Variants in POTEE observed in about 807,000 individuals in gnomAD.
The protein encoded by POTEE is ANKRD26-like family C member 1A.
POTEE carries 21 observed loss-of-function variants against 74.2 expected under a neutral mutation model. The observed-to-expected ratio is 0.28, with a 90% CI of 0.20 to 0.41. POTEE has a LOEUF of 0.41. Ranked by LOEUF, POTEE falls within the 10% of genes least tolerant of loss-of-function variation. The pLI is 1.00. For synonymous variants in POTEE, 211 were observed against 432.8 expected (o/e 0.49, Z 6.36); for missense variants, 525 against 1,158.6 (o/e 0.45, Z 7.94).
chr2:131,220,636 G>T (rs1253330671), intron 4 of POTEE, among the ~76,000 whole-genome samples: 1 of 152,052 alleles, frequency 6.6e-6, no homozygotes, highest in Non-Finnish European at 1.5e-5. Context: ...AGTTAGAAGA[G>T]GAATGAAATA....
chr2:131,234,186 G>A (rs1701054985), intron 9 of POTEE, among the ~76,000 whole-genome samples: 1 of 151,754 alleles, frequency 6.6e-6, no homozygotes, highest in South Asian at 2.1e-4. Context: ...GAATATCGGA[G>A]TTGTTCCTTT....
chr2:131,218,550 G>A lies in POTEE; in HGVS notation c.148G>A (p.Asp50Asn), dbSNP rs1290703777. Residue 50 changes from aspartate (D) to asparagine (N), a missense_variant, in exon 4 of 18, where the codon GAC (aspartate) becomes AAC (asparagine). Transcript: ENST00000683005. ...CAACGTGGGCACTTCTGGAGACCACGACGACTCTGCTATGAAGACACTCAG... is the reference window on the plus strand; with the variant it reads ...CAACGTGGGCACTTCTGGAGACCACAACGACTCTGCTATGAAGACACTCAG... ...KSNVGTSGDHDDSAMKTLRSK... is the reference protein window; with the variant it reads ...KSNVGTSGDHNDSAMKTLRSK... 5 of 1,612,488 alleles carry A rather than the reference G, an allele frequency of 3.1e-6. No homozygotes were observed. The South Asian group carries it at 4.4e-5, about 14-fold the overall frequency.
intron 6 of POTEE, among the ~76,000 whole-genome samples, chr2:131,225,967 G>C (rs539802757): frequency 1.3e-5 from 2 of 152,268 alleles, no homozygotes; most frequent in South Asian, 4.1e-4. Flanking sequence ...GCTGTGAGTA[G>C]TCTTTCAATA....
intron 8 of POTEE, among the ~76,000 whole-genome samples, chr2:131,230,239 G>A (rs1357515699): frequency 1.3e-5 from 2 of 152,042 alleles, no homozygotes; most frequent in Non-Finnish European, 2.9e-5. Context: ...ATAAAGAGTA[G>A]GACAACTAAG....
At chr2:131,228,111 C>T in intron 7 of POTEE, 133 bp from the exon 8 acceptor site, 1 of 1,478,702 alleles carries the variant, frequency 6.8e-7, no homozygotes, top group Non-Finnish European at 9.0e-7. Context: ...CACTTGAGCA[C>T]TCAAGATGCT....
chr2:131,226,170 C>A (rs1226280559), intron 6 of POTEE, among the ~76,000 whole-genome samples: 2 of 151,126 alleles, frequency 1.3e-5, no homozygotes, highest in East Asian at 1.9e-4. Flanking sequence ...GCATAATCAG[C>A]ATGGCAGTTT....
chr2:131,234,796 G>A, intron 9 of POTEE, among the ~76,000 whole-genome samples: 1 of 75,680 alleles, frequency 1.3e-5, no homozygotes, highest in African/African-American at 5.3e-5. Context: ...TCTCAGCTGT[G>A]TCCACATGAG....
chr2:131,215,437 G>A (rs1700427508), intron 2 of POTEE, among the ~76,000 whole-genome samples: 1 of 151,968 alleles, frequency 6.6e-6, no homozygotes, highest in Non-Finnish European at 1.5e-5. Context: ...GGGAGTTTGT[G>A]CAATTATAGT....
At chr2:131,231,173 GC>G (rs904712757) in intron 9 of POTEE, among the ~76,000 whole-genome samples, 9 of 150,046 alleles carry the variant, frequency 6.0e-5, no homozygotes, top group African/African-American at 2.2e-4. Flanking sequence ...TCATCTGGGG[GC>G]AAAGTGAGAC....
intron 4 of POTEE, among the ~76,000 whole-genome samples, chr2:131,221,606 A>T (rs1022049850): frequency 1.3e-5 from 2 of 152,320 alleles, no homozygotes; most frequent in East Asian, 1.9e-4. Flanking sequence ...TTATTTTTCT[A>T]TCTGTGGTTG....
chr2:131,257,164 C>T lies in POTEE; in HGVS notation c.1778+4065C>T, dbSNP rs372901115. On this transcript the variant is annotated intron_variant, in intron 16 of 17. Coordinates refer to ENST00000683005, the MANE Select transcript of POTEE (RefSeq NM_001083538.3). ...TCCTGCTTTAGTTTTTCTCCTCTAA[C>T]GTACTGTGTATTTTGCCGTATCTGT... Among the ~76,000 whole-genome samples, 48 of 112,444 alleles carry T rather than the reference C, an allele frequency of 4.3e-4. No individual in the cohort carries two copies. In the East Asian group the frequency reaches 8.3e-3, roughly 20 times the overall value. 73.8% of individuals were successfully genotyped at this position (112,444 alleles called of 152,430 possible).
At chr2:131,211,520 C>CTGTGTGTGTGGGTGTGTGTGTGTGTG (rs1700356973) in intron 2 of POTEE, among the ~76,000 whole-genome samples, 1 of 50,266 alleles carries the variant, frequency 2.0e-5, no homozygotes, top group African/African-American at 5.8e-5. Flanking sequence ...TAGGGGGTGA[C>CTGTGTGTGTGGGTGTGTGTGTGTGTG]TGTGTGTGTG....
Position 131,226,613 on chromosome 2 carries a change from A to T in POTEE, c.811-210A>T, listed in dbSNP as rs556409277. Among the ~76,000 whole-genome samples, 28 of 150,360 alleles carry T rather than the reference A, an allele frequency of 1.9e-4. No individual in the cohort carries two copies. In the East Asian group the frequency reaches 4.1e-3, roughly 22 times the overall value. On this transcript the variant is annotated intron_variant, in intron 6 of 17. Transcript: ENST00000683005. ...ATGTTTAAAGTGAGTTTTTGAGATGATTAGAGTTACTGTGGTGAGGCAGAG... is the reference window on the plus strand; with the variant it reads ...ATGTTTAAAGTGAGTTTTTGAGATGTTTAGAGTTACTGTGGTGAGGCAGAG...
rs368107357 is a variant in POTEE at position 131,264,071 on chromosome 2, C to T, written c.2616C>T (p.Pro872=). The T allele has an allele frequency of 6.2e-7, 1 of 1,614,202 alleles. No individual in the cohort carries two copies. Among genetic ancestry groups the T allele is most frequent in the African/African-American group, 1.3e-5 (1 of 75,062 alleles). Residue 872 remains proline, a synonymous_variant, in exon 18 of 18, where the codon CCC becomes CCT. Transcript: ENST00000683005. ...CCATCTATGAGGGGAATGCCCTCCC[C>T]CATGCCACCCTGCGCCTAGACCTGG... The part of the protein sequence containing the change: ...TVPIYEGNAL[P]HATLRLDLAG...
intron 12 of POTEE, among the ~76,000 whole-genome samples, chr2:131,243,153 CAA>C (rs1273343513): frequency 6.6e-6 from 1 of 150,528 alleles, no homozygotes; most frequent in Non-Finnish European, 1.5e-5. Flanking sequence ...TTCAATGAAA[CAA>C]AGTGATTTAT....
rs1237861501 is a variant in POTEE, at chr2:131,218,364, T to C, written c.-39T>C. 2.5e-6 allele frequency: 4 copies of C among 1,610,282 alleles called. No homozygotes were observed. In the South Asian group the frequency reaches 4.4e-5, roughly 18 times the overall value. On this transcript the variant is annotated 5_prime_UTR_variant, in exon 4 of 18. Coordinates refer to ENST00000683005, the MANE Select transcript of POTEE (RefSeq NM_001083538.3). The stretch of plus-strand genomic sequence containing the variant: ...GTGAAACTGGTTGGTAGACGCGATC[T>C]GTTGGCTACTACTGGCTTCTCCTGG...
chr2:131,235,704 A>G (rs1480988183), intron 9 of POTEE, among the ~76,000 whole-genome samples: 2 of 147,206 alleles, frequency 1.4e-5, no homozygotes, highest in Non-Finnish European at 3.0e-5. Context: ...AGACAGGAGA[A>G]TCGCTTGAAC....
chr2:131,225,535 T>G (rs868620712), intron 6 of POTEE, among the ~76,000 whole-genome samples: 4,645 of 142,088 alleles, frequency 0.033, 102 homozygotes, highest in African/African-American at 0.11. Context: ...ATGTGCTGAT[T>G]TCTTTAAATC....
chr2:131,212,289 A>C (rs1217827413), intron 2 of POTEE, among the ~76,000 whole-genome samples: 2 of 151,840 alleles, frequency 1.3e-5, no homozygotes, highest in African/African-American at 4.8e-5. Context: ...GGAGTTAATT[A>C]CATCCTACTG....
Sources: allele counts gnomAD v4.1 joint callset (sites outside exome capture counted in the v4.1 genomes callset), GRCh38; gene constraint gnomAD v4.1.1; transcripts MANE v1.5; gene names NCBI Gene and HGNC (gene_info 2026-07-23, HGNC 2026-07-21).